The following SYT9 variants were observed in gnomAD, a reference collection of about 807,000 sequenced individuals.
The protein encoded by SYT9 is synaptotagmin-9.
In SYT9, 22 loss-of-function variants were observed where a neutral mutation model predicts 48.4. The observed-to-expected ratio is 0.45, with a 90% CI of 0.32 to 0.65. SYT9 has a LOEUF of 0.65. Among genes scored for constraint, SYT9 ranks in the 30% least tolerant of loss-of-function variants. SYT9 has a pLI of 0.03. For missense variants in SYT9, 577 were observed against 622.0 expected, an observed-to-expected ratio of 0.93 and a Z score of 0.77; for synonymous variants, 265 against 245.0, an observed-to-expected ratio of 1.08 and a Z score of -0.76.
intron 6 of SYT9, among the ~76,000 whole-genome samples, chr11:7,466,413 T>C (rs1848335652): frequency 6.6e-6 from 1 of 152,108 alleles, no homozygotes; most frequent in African/African-American, 2.4e-5. Flanking sequence ...CTGGCACTTG[T>C]TTGGTGCACA....
At chr11:7,331,585 A>T (rs964435524) in intron 3 of SYT9, among the ~76,000 whole-genome samples, 4 of 152,082 alleles carry the variant, frequency 2.6e-5, no homozygotes, top group Admixed American at 6.5e-5. Context: ...TTAGCCAGAC[A>T]TGGTGGCGGG....
intron 3 of SYT9, among the ~76,000 whole-genome samples, chr11:7,360,945 G>C (rs1313409211): frequency 6.6e-6 from 1 of 151,850 alleles, no homozygotes; most frequent in Non-Finnish European, 1.5e-5. Context: ...TTTTTTTCTA[G>C]TCAATTTTCC....
At chr11:7,353,065 C>T (rs976389108) in intron 3 of SYT9, among the ~76,000 whole-genome samples, 3 of 151,976 alleles carry the variant, frequency 2.0e-5, no homozygotes, top group Non-Finnish European at 4.4e-5. Flanking sequence ...TGTGCATGTG[C>T]CAGTTACAAA....
chr11:7,266,962 T>C (rs564887549), intron 1 of SYT9, among the ~76,000 whole-genome samples: 14 of 152,190 alleles, frequency 9.2e-5, no homozygotes, highest in African/African-American at 3.4e-4. Flanking sequence ...AGTAAAACAT[T>C]TGTCTACTGA....
At chr11:7,268,043 A>G (rs1336688484) in intron 1 of SYT9, among the ~76,000 whole-genome samples, 1 of 152,048 alleles carries the variant, frequency 6.6e-6, no homozygotes, top group Non-Finnish European at 1.5e-5. Context: ...AAAGGTAGTC[A>G]AAGAACTTTC....
At chr11:7,371,877 G>C (rs2134031573) in intron 3 of SYT9, among the ~76,000 whole-genome samples, 1 of 152,242 alleles carries the variant, frequency 6.6e-6, no homozygotes, top group South Asian at 2.1e-4. Flanking sequence ...GAATATAGCA[G>C]AATTTGTTTA....
chr11:7,360,653 C>T (rs1850117005), intron 3 of SYT9, among the ~76,000 whole-genome samples: 1 of 152,006 alleles, frequency 6.6e-6, no homozygotes, highest in South Asian at 2.1e-4. Flanking sequence ...GCTCTCATTT[C>T]TTCAGATTTT....
intron 3 of SYT9, among the ~76,000 whole-genome samples, chr11:7,319,168 T>TC (rs1373653176): frequency 1.4e-5 from 2 of 144,164 alleles, no homozygotes; most frequent in Non-Finnish European, 3.0e-5. Flanking sequence ...TATTTCTTCT[T>TC]TTTTTTTTTC....
At chr11:7,241,248 A>ACC (rs5789505) in intron 1 of SYT9, among the ~76,000 whole-genome samples, 277 of 147,352 alleles carry the variant, frequency 1.9e-3, no homozygotes, top group African/African-American at 1.6e-3. Flanking sequence ...GCACACACTC[A>ACC]CCCCCCCCAC....
chr11:7,460,206 G>A (rs147300708), intron 6 of SYT9, among the ~76,000 whole-genome samples: 1 of 152,074 alleles, frequency 6.6e-6, no homozygotes, highest in Non-Finnish European at 1.5e-5. Flanking sequence ...TAATAATTCT[G>A]TTTTGAAATA....
rs1849721306 is a variant in SYT9 at position 7,341,989 on chromosome 11, TA to T, written c.1044+28053del. Among the ~76,000 whole-genome samples, 3 of 152,204 alleles carry T rather than the reference TA, an allele frequency of 2.0e-5. No individual in the cohort carries two copies. The East Asian group carries it at 5.8e-4, about 29-fold the overall frequency. On this transcript the variant is annotated intron_variant, in intron 3 of 6. Transcript: ENST00000318881. ...GCCAAGTGAAAGGGGAAACCCCTTA[TA>T]AAAACATCAGATCTCATGCAACTTA...
chr11:7,447,331 T>C (rs976899040), intron 6 of SYT9, among the ~76,000 whole-genome samples: 1 of 152,160 alleles, frequency 6.6e-6, no homozygotes, highest in Non-Finnish European at 1.5e-5. Context: ...CACAGAGGCC[T>C]TCACAACCTG....
chr11:7,344,244 C>CT (rs147174791), intron 3 of SYT9, among the ~76,000 whole-genome samples: 2,361 of 151,294 alleles, frequency 0.016, 47 homozygotes, highest in African/African-American at 0.052. Flanking sequence ...AATCCCCCAT[C>CT]TTTTTTTTTC....
chr11:7,247,719 C>T (rs1847812639), upstream of SYT9, among the ~76,000 whole-genome samples: 1 of 150,090 alleles, frequency 6.7e-6, no homozygotes, highest in Admixed American at 6.6e-5. Flanking sequence ...TCTTTATCCA[C>T]TCATTGATTG....
Position 7,407,466 on chromosome 11 carries a change from C to T in SYT9, c.1045-8576C>T, listed in dbSNP as rs1485353306. Among the ~76,000 whole-genome samples the T allele has an allele frequency of 4.9e-4, 29 of 59,780 alleles. 6 individuals are homozygous for T. The highest frequency in any genetic ancestry group is 8.4e-4 in the East Asian group (3 of 3,582). 39.2% of individuals were successfully genotyped at this position (59,780 alleles called of 152,430 possible). On this transcript the variant is annotated intron_variant, in intron 3 of 6. Transcript: ENST00000318881. ...CGCAATCTCGGCTCACTGCAAGCTC[C>T]GCTTCCCGGGTTCACGCCATTCTCC...
chr11:7,241,968 A>C (rs532308313), intron 1 of SYT9, among the ~76,000 whole-genome samples: 1 of 152,342 alleles, frequency 6.6e-6, no homozygotes, highest in Non-Finnish European at 1.5e-5. Context: ...GGGCAGGTGA[A>C]TTAGACTTCA....
At chr11:7,247,684 G>A (rs952170740), upstream of SYT9, among the ~76,000 whole-genome samples, 2 of 142,970 alleles carry the variant, frequency 1.4e-5, no homozygotes, top group Non-Finnish European at 1.5e-5. Flanking sequence ...ATATATGTGT[G>A]TATATATATA....
At chr11:7,377,865 C>T (rs1850484351) in intron 3 of SYT9, among the ~76,000 whole-genome samples, 1 of 152,154 alleles carries the variant, frequency 6.6e-6, no homozygotes. Flanking sequence ...ATGGCTTCAG[C>T]ACTAACTAGC....
chr11:7,417,624 A>G (rs1282421393), intron 4 of SYT9, among the ~76,000 whole-genome samples: 3 of 152,154 alleles, frequency 2.0e-5, no homozygotes, highest in African/African-American at 7.2e-5. Flanking sequence ...TCAGCCTTGG[A>G]AATGCTGGTG....
Sources: allele counts gnomAD v4.1 joint callset (sites outside exome capture counted in the v4.1 genomes callset), GRCh38; gene constraint gnomAD v4.1.1; transcripts MANE v1.5; gene names NCBI Gene and HGNC (gene_info 2026-07-23, HGNC 2026-07-21).